Variants in PDE1C observed in about 807,000 individuals in gnomAD.
The protein encoded by PDE1C is dual specificity calcium/calmodulin-dependent 3',5'-cyclic nucleotide phosphodiesterase 1C.
PDE1C carries 62 observed loss-of-function variants against 93.1 expected under a neutral mutation model. The observed-to-expected ratio is 0.67, with a 90% CI of 0.54 to 0.82. The LOEUF (loss-of-function observed/expected upper bound fraction) is 0.82, where lower values mean the gene tolerates loss of function less well. PDE1C is among the 40% of genes least tolerant of loss of function. The probability of loss-of-function intolerance (pLI) is 0.00; values close to 1 mark genes in which losing one functional copy is unlikely to be tolerated. For synonymous variants in PDE1C, 325 were observed against 310.1 expected, an observed-to-expected ratio of 1.05 and a Z score of -0.50; for missense variants, 742 against 884.6, an observed-to-expected ratio of 0.84 and a Z score of 2.04.
chr7:32,268,627 G>T (rs930159366), intron 1 of PDE1C, among the ~76,000 whole-genome samples: 4 of 152,104 alleles, frequency 2.6e-5, no homozygotes, highest in Non-Finnish European at 5.9e-5. Context: ...AAGAGAAAAT[G>T]AGGGAAAATT....
chr7:31,991,065 A>AT (rs1375613256), intron 2 of PDE1C, among the ~76,000 whole-genome samples: 1 of 152,230 alleles, frequency 6.6e-6, no homozygotes, highest in Non-Finnish European at 1.5e-5. Flanking sequence ...AAATTTAACT[A>AT]TTTTAATGCT....
chr7:31,634,069 G>C, the PDE1C span, among the ~76,000 whole-genome samples: 1 of 152,188 alleles, frequency 6.6e-6, no homozygotes, highest in Non-Finnish European at 1.5e-5. Context: ...GCAGGGACCA[G>C]GTTCTTCCAC....
intron 1 of PDE1C, among the ~76,000 whole-genome samples, chr7:32,424,573 A>C (rs1345306998): frequency 6.6e-6 from 1 of 152,190 alleles, no homozygotes; most frequent in East Asian, 1.9e-4. Context: ...ACTTGAGCCC[A>C]GGCCTGGAGG....
At chr7:31,899,008 A>C (rs1007588354) in intron 2 of PDE1C, among the ~76,000 whole-genome samples, 2 of 151,896 alleles carry the variant, frequency 1.3e-5, no homozygotes, top group African/African-American at 4.8e-5. Context: ...TAAAGAAGTT[A>C]CCTGCTCCCC....
chr7:31,738,941 C>T, the PDE1C span, among the ~76,000 whole-genome samples: 5,131 of 152,138 alleles, frequency 0.034, 128 homozygotes, highest in Non-Finnish European at 0.054. Context: ...ATGCTCAGGA[C>T]GGGTTTGTTC....
intron 1 of PDE1C, chr7:32,298,614 C>T (rs1319270873): frequency 6.4e-7 from 1 of 1,571,632 alleles, no homozygotes; most frequent in South Asian, 1.2e-5. Context: ...GGGCGTTTGC[C>T]CGAGCCAGGA....
intron 1 of PDE1C, among the ~76,000 whole-genome samples, chr7:32,251,787 GC>G (rs1175156490): frequency 1.3e-5 from 2 of 152,120 alleles, no homozygotes; most frequent in African/African-American, 4.8e-5. Flanking sequence ...AACCTTTGTA[GC>G]TCCCCCTTGC....
rs1789475336 is a variant in PDE1C at position 31,824,952 on chromosome 7, C to T, written c.1321G>A (p.Val441Met). 6.2e-7 allele frequency: 1 copy of T among 1,613,388 alleles called. No homozygotes were observed. Among genetic ancestry groups the T allele is most frequent in the Non-Finnish European group, 8.5e-7 (1 of 1,179,498 alleles). ...IDFIVEPTFT[V>M]LTDMTEKIVS... ...ATCTTCTCGGTCATGTCCGTAAGCA[C>T]AGTGAAGGTGGGTTCCACGATGAAA... The change falls in exon 13 of 18, where the codon GTG becomes ATG. Residue 441 changes from valine to methionine, a missense_variant. Physicochemically the swap from Val to Met is conservative, Grantham distance 21. Transcript: ENST00000396191.
chr7:32,168,638 T>C (rs1427129800), intron 3 of PDE1C, among the ~76,000 whole-genome samples: 1 of 152,148 alleles, frequency 6.6e-6, no homozygotes, highest in Non-Finnish European at 1.5e-5. Context: ...GGGTTTTATT[T>C]TATTCAAAAC....
rs1170176085 is a variant in PDE1C, at chr7:32,290,870, A to G, written c.85+7781T>C. Among the ~76,000 whole-genome samples, 4 of 152,198 alleles carry G rather than the reference A, an allele frequency of 2.6e-5. 1 individual carries two copies. Among genetic ancestry groups the G allele is most frequent in the Non-Finnish European group, 5.9e-5 (4 of 68,032 alleles). ...AAAAATGCCAATTTTGAACAACAGA[A>G]AGCAGAAGACAAAGTCATCCTTACA... On this transcript the variant is annotated intron_variant, in intron 1 of 18. Coordinates refer to the PDE1C transcript ENST00000396193.
intron 2 of PDE1C, among the ~76,000 whole-genome samples, chr7:31,893,291 T>G (rs1798873528): frequency 6.6e-6 from 1 of 152,330 alleles, no homozygotes; most frequent in South Asian, 2.1e-4. Context: ...TTCAATTTCC[T>G]TCCAACTATA....
chr7:31,871,376 A>G (rs1219553222), intron 6 of PDE1C, among the ~76,000 whole-genome samples: 1 of 152,114 alleles, frequency 6.6e-6, no homozygotes, highest in Non-Finnish European at 1.5e-5. Context: ...ATGGGACTAT[A>G]TTAAACTAAA....
chr7:32,306,447 C>T (rs930282321), intron 1 of PDE1C, among the ~76,000 whole-genome samples: 4 of 152,114 alleles, frequency 2.6e-5, no homozygotes, highest in Non-Finnish European at 5.9e-5. Flanking sequence ...CAGAAATGTT[C>T]CCTCAATATA....
chr7:32,313,806 A>G (rs956698352), intron 1 of PDE1C, among the ~76,000 whole-genome samples: 1 of 151,702 alleles, frequency 6.6e-6, no homozygotes, highest in Admixed American at 6.6e-5. Context: ...CTAATGCTAA[A>G]TGATGAGTTA....
chr7:31,993,747 C>T (rs1038790599), intron 2 of PDE1C, among the ~76,000 whole-genome samples: 4 of 152,112 alleles, frequency 2.6e-5, no homozygotes, highest in Non-Finnish European at 1.5e-5. Context: ...AAGGCCTAAG[C>T]TCTGCTAAAA....
intron 17 of PDE1C, among the ~76,000 whole-genome samples, chr7:31,771,421 G>A (rs1451386312): frequency 1.3e-5 from 2 of 152,136 alleles, no homozygotes; most frequent in African/African-American, 4.8e-5. Context: ...CCATCCTAAT[G>A]GGTGTGAAGT....
chr7:31,985,865 G>A (rs367973379), intron 2 of PDE1C, among the ~76,000 whole-genome samples: 6 of 152,216 alleles, frequency 3.9e-5, no homozygotes, highest in Middle Eastern at 3.4e-3. Context: ...ATTGTGAATA[G>A]TGCCACAATA....
chr7:31,918,434 T>C (rs1048478310), intron 2 of PDE1C, among the ~76,000 whole-genome samples: 7 of 152,200 alleles, frequency 4.6e-5, no homozygotes, highest in Admixed American at 2.0e-4. Context: ...CCAAGTGATT[T>C]CTCCTTCATC....
rs138893435 is a variant in PDE1C, at chr7:32,189,710, C to T, written c.137-19754G>A. Reference sequence around the variant, plus strand: ...TATGCACTGCAATCAAAAATAAAAGCGTTTGAAAGTAATTGAAGATTTAGG... The same window carrying T: ...TATGCACTGCAATCAAAAATAAAAGTGTTTGAAAGTAATTGAAGATTTAGG... On this transcript the variant is annotated intron_variant, in intron 2 of 18. Coordinates refer to the PDE1C transcript ENST00000396193. 2.9e-3 allele frequency among the ~76,000 whole-genome samples: 434 copies of T among 152,190 alleles called. 2 individuals carry two copies. Among genetic ancestry groups the T allele is most frequent in the African/African-American group, 9.7e-3 (404 of 41,532 alleles).
Sources: gnomAD v4.1 joint callset for allele counts (sites outside exome capture counted in the v4.1 genomes callset) on GRCh38, gnomAD v4.1.1 for gene constraint, MANE v1.5 for transcripts, NCBI Gene and HGNC (gene_info 2026-07-23, HGNC 2026-07-21) for gene names.